Variants in ANGPT2 observed in about 807,000 individuals in gnomAD.
The protein encoded by ANGPT2 is angiopoietin 2, also known as angiopoietin-2.
ANGPT2 carries 28 observed loss-of-function variants against 62.9 expected under a neutral mutation model. That is an observed-to-expected ratio of 0.44 (90% confidence interval 0.33 to 0.61). The LOEUF (loss-of-function observed/expected upper bound fraction) is 0.61. Among genes scored for constraint, ANGPT2 ranks in the 20% least tolerant of loss-of-function variants. The pLI is 0.03. For missense variants in ANGPT2, 727 were observed against 594.9 expected, an observed-to-expected ratio of 1.22 and a Z score of -2.31; for synonymous variants, 284 against 207.8, an observed-to-expected ratio of 1.37 and a Z score of -3.15.
intron 1 of ANGPT2, among the ~76,000 whole-genome samples, chr8:6,535,271 C>T (rs1447024351): frequency 6.6e-6 from 1 of 152,152 alleles, no homozygotes; most frequent in Non-Finnish European, 1.5e-5. Flanking sequence ...GTGTTTGCAA[C>T]TCTCCAGAGA....
chr8:6,540,238 C>T (rs1821300854), intron 1 of ANGPT2, among the ~76,000 whole-genome samples: 1 of 151,954 alleles, frequency 6.6e-6, no homozygotes, highest in South Asian at 2.1e-4. Flanking sequence ...ATCATTTTAC[C>T]TCTTTGTGTG....
chr8:6,546,888 AG>A (rs1822680491), intron 1 of ANGPT2, among the ~76,000 whole-genome samples: 1 of 152,208 alleles, frequency 6.6e-6, no homozygotes, highest in Non-Finnish European at 1.5e-5. Context: ...ACCTTCATTA[AG>A]ATGTACCCTT....
chr8:6,555,697 A>T (rs938733972), intron 1 of ANGPT2, among the ~76,000 whole-genome samples: 4 of 152,074 alleles, frequency 2.6e-5, no homozygotes, highest in Non-Finnish European at 5.9e-5. Context: ...TCCTGAGCTC[A>T]AGCGACCCAC....
intron 7 of ANGPT2, among the ~76,000 whole-genome samples, chr8:6,510,286 G>C (rs758070393): frequency 6.6e-5 from 10 of 152,020 alleles, no homozygotes; most frequent in Non-Finnish European, 1.2e-4. Flanking sequence ...GGCACGTTGG[G>C]TCCTCACGTC....
chr8:6,531,375 G>C (rs941458974), intron 2 of ANGPT2, among the ~76,000 whole-genome samples: 2 of 150,520 alleles, frequency 1.3e-5, no homozygotes, highest in African/African-American at 4.9e-5. Context: ...TGCAGCCTCT[G>C]CCTCCTGGGT....
At chr8:6,549,876 T>TA (rs956841308) in intron 1 of ANGPT2, among the ~76,000 whole-genome samples, 1 of 151,844 alleles carries the variant, frequency 6.6e-6, no homozygotes, top group Non-Finnish European at 1.5e-5. Flanking sequence ...AAGTTATATC[T>TA]AAAAAAAGAA....
chr8:6,506,937 G>C (rs904202635), intron 8 of ANGPT2, among the ~76,000 whole-genome samples: 8 of 150,868 alleles, frequency 5.3e-5, no homozygotes, highest in African/African-American at 2.0e-4. Flanking sequence ...CACTCTTGTC[G>C]TCCAGGCTGG....
chr8:6,548,958 T>A (rs1586559525), intron 1 of ANGPT2, among the ~76,000 whole-genome samples: 1 of 152,374 alleles, frequency 6.6e-6, no homozygotes, highest in Admixed American at 6.5e-5. Flanking sequence ...GGGGGAATTA[T>A]GTTTAACCAG....
intron 1 of ANGPT2, among the ~76,000 whole-genome samples, chr8:6,550,816 G>A (rs1444935930): frequency 1.3e-5 from 2 of 152,166 alleles, no homozygotes; most frequent in Non-Finnish European, 2.9e-5. Flanking sequence ...AATTGAGTGA[G>A]ACGATGTAAG....
chr8:6,524,394 C>T (rs1817947570), intron 3 of ANGPT2, among the ~76,000 whole-genome samples: 1 of 152,210 alleles, frequency 6.6e-6, no homozygotes, highest in African/African-American at 2.4e-5. Context: ...AGCAGAGAAA[C>T]ATTATTTTCC....
intron 6 of ANGPT2, 59 bp downstream of exon 6, chr8:6,514,618 C>A: frequency 6.7e-7 from 1 of 1,481,854 alleles, no homozygotes; most frequent in Non-Finnish European, 9.4e-7. Context: ...TTCCGCAGAT[C>A]TTGAAAGCTA....
At chr8:6,508,145 A>G (rs1247476031) in intron 8 of ANGPT2, 9 of 152,178 alleles carry the variant, frequency 5.9e-5, no homozygotes, top group Non-Finnish European at 1.3e-4. Flanking sequence ...TATTAATGGA[A>G]TCTTTTTTAA....
At chr8:6,556,569 C>A (rs1824644542) in intron 1 of ANGPT2, among the ~76,000 whole-genome samples, 1 of 152,106 alleles carries the variant, frequency 6.6e-6, no homozygotes, top group South Asian at 2.1e-4. Flanking sequence ...ACGTTCTGAC[C>A]AAAGCATAGT....
At chr8:6,549,670 G>A (rs947003882) in intron 1 of ANGPT2, among the ~76,000 whole-genome samples, 1 of 149,804 alleles carries the variant, frequency 6.7e-6, no homozygotes, top group Non-Finnish European at 1.5e-5. Context: ...CTGCCTGCAG[G>A]GGAAGAAGCC....
At chr8:6,559,366 T>C (rs1825164350) in intron 1 of ANGPT2, among the ~76,000 whole-genome samples, 1 of 152,182 alleles carries the variant, frequency 6.6e-6, no homozygotes, top group Non-Finnish European at 1.5e-5. Flanking sequence ...AGAGCATAAC[T>C]GCATGGTTTC....
intron 5 of ANGPT2, among the ~76,000 whole-genome samples, chr8:6,515,861 C>A (rs1383339405): frequency 6.6e-6 from 1 of 152,096 alleles, no homozygotes; most frequent in Non-Finnish European, 1.5e-5. Flanking sequence ...GAGTTAGAAT[C>A]CTAAAGAGGA....
At chr8:6,542,474 C>G (rs1821786205) in intron 1 of ANGPT2, among the ~76,000 whole-genome samples, 2 of 151,998 alleles carry the variant, frequency 1.3e-5, no homozygotes, top group African/African-American at 4.8e-5. Flanking sequence ...CGGAGTGTCA[C>G]TGTAAGAGGG....
Position 6,527,651 on chromosome 8 carries a change from T to G in ANGPT2, c.470A>C (p.Glu157Ala). The G allele has an allele frequency of 6.2e-7, 1 of 1,613,932 alleles. No individual in the cohort carries two copies. The highest frequency in any genetic ancestry group is 8.5e-7 in the Non-Finnish European group (1 of 1,179,876). ...AQVLNQTTRLELQLLEHSLST... is the reference protein window; with the variant it reads ...AQVLNQTTRLALQLLEHSLST... The stretch of plus-strand genomic sequence containing the variant: ...GAGGGAGTGTTCCAAGAGCTGAAGT[T>G]CAAGTCTCGTGGTCTGATTTAATAC... Residue 157 changes from glutamate to alanine, a missense_variant, in exon 3 of 9, where the codon GAA (glutamate) becomes GCA (alanine). Physicochemically the swap from Glu to Ala is moderately radical, Grantham distance 107. Coordinates refer to ENST00000629816, the MANE Select transcript of ANGPT2 (RefSeq NM_001118887.2).
chr8:6,547,629 T>C (rs1296191744), intron 1 of ANGPT2, among the ~76,000 whole-genome samples: 1 of 152,044 alleles, frequency 6.6e-6, no homozygotes, highest in Non-Finnish European at 1.5e-5. Flanking sequence ...GGGGCACATG[T>C]TCCTATCAAA....
Sources: gnomAD v4.1 joint callset for allele counts (sites outside exome capture counted in the v4.1 genomes callset) on GRCh38, gnomAD v4.1.1 for gene constraint, MANE v1.5 for transcripts, NCBI Gene and HGNC (gene_info 2026-07-23, HGNC 2026-07-21) for gene names.